ETF1: variants seen among roughly 807,000 people sequenced by gnomAD.
ETF1 encodes the protein eukaryotic peptide chain release factor subunit 1.
A neutral mutation model predicts 55.1 loss-of-function variants in ETF1; 4 were observed. That is an observed-to-expected ratio of 0.07 (90% confidence interval 0.04 to 0.17). The LOEUF is 0.17. Among genes scored for constraint, ETF1 ranks in the 10% least tolerant of loss-of-function variants. ETF1 has a pLI of 1.00. For missense variants in ETF1, 142 were observed against 523.6 expected (o/e 0.27, Z 7.11); for synonymous variants, 157 against 182.3 (o/e 0.86, Z 1.12).
rs1223826354 is a variant in ETF1 at position 138,506,131 on chromosome 5, T to A, written c.*2174A>T. 1 of 152,642 alleles carries A rather than the reference T, an allele frequency of 6.6e-6. No homozygotes were observed. Among genetic ancestry groups the A allele is most frequent in the Non-Finnish European group, 1.5e-5 (1 of 68,034 alleles). The allele number at this position is 152,642 out of a possible 1,614,324, so 9.5% of individuals were successfully genotyped here. On this transcript the variant is annotated 3_prime_UTR_variant, in exon 11 of 11. Transcript: ENST00000360541. ...ATGGTTTAATACTCTTCTCCATTTC[T>A]GTACATCACAACACCAAGATTTTGC...
rs1012246915 is a variant in ETF1 at position 138,507,052 on chromosome 5, A to C, written c.*1253T>G. 6.6e-6 allele frequency: 1 copy of C among 152,098 alleles called. No individual in the cohort carries two copies. Among genetic ancestry groups the C allele is most frequent in the Non-Finnish European group, 1.5e-5 (1 of 67,926 alleles). The allele number at this position is 152,098 out of a possible 1,614,324, so 9.4% of individuals were successfully genotyped here. A position where few individuals can be genotyped will look rare whatever the true frequency, so the allele number is the denominator to read the frequency against. ...CACCCTGGGCACGCCATGACCTTGC[A>C]TATCAGCTGGGTTCAAGTCTGACTT... On this transcript the variant is annotated 3_prime_UTR_variant, in exon 11 of 11. Coordinates refer to ENST00000360541, the MANE Select transcript of ETF1 (RefSeq NM_004730.4).
At chr5:138,527,115 G>A (rs1427791711) in intron 2 of ETF1, among the ~76,000 whole-genome samples, 4 of 152,174 alleles carry the variant, frequency 2.6e-5, no homozygotes, top group Non-Finnish European at 4.4e-5. Flanking sequence ...AGGATTACAG[G>A]TGTGAGCCAC....
intron 2 of ETF1, among the ~76,000 whole-genome samples, chr5:138,525,391 C>T (rs1453756111): frequency 6.6e-6 from 1 of 151,294 alleles, no homozygotes; most frequent in Non-Finnish European, 1.5e-5. Context: ...CTCCTGACCT[C>T]GTGATCCGCC....
At chr5:138,511,346 T>C in intron 7 of ETF1, 129 bp downstream of exon 7, 2 of 1,503,028 alleles carry the variant, frequency 1.3e-6, no homozygotes, top group East Asian at 4.7e-5. Flanking sequence ...AATATTCCTT[T>C]TTACATTTTT....
intron 2 of ETF1, among the ~76,000 whole-genome samples, chr5:138,537,498 G>C (rs1371065200): frequency 6.6e-6 from 1 of 152,176 alleles, no homozygotes; most frequent in Non-Finnish European, 1.5e-5. Flanking sequence ...GAAGTCTGTA[G>C]TTGTTTGTTC....
At chr5:138,521,327 G>C (rs1765223083) in intron 2 of ETF1, among the ~76,000 whole-genome samples, 1 of 152,152 alleles carries the variant, frequency 6.6e-6, no homozygotes, top group South Asian at 2.1e-4. Flanking sequence ...ACTGGAGTAA[G>C]GTGGAACTAG....
chr5:138,529,179 C>CA (rs200791305), intron 2 of ETF1, among the ~76,000 whole-genome samples: 7,824 of 151,616 alleles, frequency 0.052, 293 homozygotes, highest in Non-Finnish European at 0.075. Context: ...AACAAACAAA[C>CA]AAAAAAAACA....
chr5:138,525,596 A>G (rs1156631564), intron 2 of ETF1, among the ~76,000 whole-genome samples: 1 of 152,224 alleles, frequency 6.6e-6, no homozygotes, highest in Non-Finnish European at 1.5e-5. Context: ...AATTGAGCTG[A>G]CTTACATCTT....
At chr5:138,522,910 T>A (rs1260977641) in intron 2 of ETF1, among the ~76,000 whole-genome samples, 5 of 150,002 alleles carry the variant, frequency 3.3e-5, no homozygotes, top group African/African-American at 1.2e-4. Flanking sequence ...GGAGGCTGAG[T>A]CAGGAGAATG....
At chr5:138,538,226 G>T (rs1487255977) in intron 2 of ETF1, among the ~76,000 whole-genome samples, 106 of 145,778 alleles carry the variant, frequency 7.3e-4, no homozygotes, top group African/African-American at 1.2e-3. Context: ...GTTTCACTCT[G>T]TTGCCCAGGC....
chr5:138,541,615 C>G (rs1766179058), intron 2 of ETF1: 2 of 1,529,572 alleles, frequency 1.3e-6, no homozygotes, highest in Non-Finnish European at 1.7e-6. Flanking sequence ...AATTGCAAAT[C>G]TACCCATAAA....
intron 2 of ETF1, among the ~76,000 whole-genome samples, chr5:138,531,210 C>T (rs1214067666): frequency 1.3e-5 from 2 of 152,082 alleles, no homozygotes; most frequent in South Asian, 2.1e-4. Context: ...TACAGTCACA[C>T]GCGCACACAA....
At position 138,511,413 on chromosome 5, in the gene ETF1, C is replaced by T. The variant is rs201089428; in HGVS notation, c.862+62G>A. The T allele has an allele frequency of 4.7e-5, 73 of 1,567,256 alleles. 1 individual carries two copies. In the South Asian group the frequency reaches 8.1e-4, roughly 17 times the overall value. ...ATACACACACACACATACACACACA[C>T]ACACACACACACACACACACGAAAA... On this transcript the variant is annotated intron_variant, in intron 7 of 10. Coordinates refer to ENST00000360541, the MANE Select transcript of ETF1 (RefSeq NM_004730.4).
chr5:138,524,292 G>A (rs1765363997), intron 2 of ETF1, among the ~76,000 whole-genome samples: 3 of 152,024 alleles, frequency 2.0e-5, no homozygotes, highest in Admixed American at 2.0e-4. Context: ...GATGGAGGTT[G>A]CAGTGAGCCC....
chr5:138,509,563 A>C (rs1429363492), intron 9 of ETF1, among the ~76,000 whole-genome samples: 1 of 152,048 alleles, frequency 6.6e-6, no homozygotes, highest in Non-Finnish European at 1.5e-5. Context: ...GGAGTTCAAG[A>C]CCAGCCTGGT....
intron 2 of ETF1, chr5:138,519,255 C>T (rs1765138833): frequency 1.1e-6 from 1 of 923,218 alleles, no homozygotes; most frequent in Non-Finnish European, 1.3e-6. Flanking sequence ...GACGCCATGA[C>T]AGGATGATGC....
At position 138,509,425 on chromosome 5, in the gene ETF1, T is replaced by G. The variant is rs552125822; in HGVS notation, c.1084-609A>C. Reference sequence around the variant, plus strand: ...TTTCAAGGATAATGAAATGTTTTCCTGATTGCTTAACTACTTAAAAACAAA... The same window carrying G: ...TTTCAAGGATAATGAAATGTTTTCCGGATTGCTTAACTACTTAAAAACAAA... On this transcript the variant is annotated intron_variant, in intron 9 of 10. Coordinates refer to ENST00000360541, the MANE Select transcript of ETF1 (RefSeq NM_004730.4). 2.0e-5 allele frequency among the ~76,000 whole-genome samples: 3 copies of G among 152,196 alleles called. No homozygotes were observed. In the South Asian group the frequency reaches 6.2e-4, roughly 32 times the overall value.
intron 3 of ETF1, chr5:138,517,999 C>G: frequency 2.4e-6 from 1 of 409,386 alleles, no homozygotes; most frequent in Non-Finnish European, 3.3e-6. Flanking sequence ...GTCAGGAATT[C>G]AAGACCAACC....
chr5:138,513,162 G>C (rs1764882609), intron 5 of ETF1: 1 of 985,186 alleles, frequency 1.0e-6, no homozygotes, highest in Non-Finnish European at 1.2e-6. Context: ...AAGTACCAAT[G>C]AGGCACCAGT....
Sources: gnomAD v4.1 joint callset for allele counts (sites outside exome capture counted in the v4.1 genomes callset) on GRCh38, gnomAD v4.1.1 for gene constraint, MANE v1.5 for transcripts, NCBI Gene and HGNC (gene_info 2026-07-23, HGNC 2026-07-21) for gene names.